The following EHBP1 variants were observed in gnomAD, a reference collection of about 807,000 sequenced individuals.
The protein encoded by EHBP1 is EH domain binding protein 1, also known as EH domain-binding protein 1.
In EHBP1, 55 loss-of-function variants were observed where a neutral mutation model predicts 144.0. The observed-to-expected ratio is 0.38, with a 90% CI of 0.31 to 0.48. EHBP1 has a LOEUF of 0.48. EHBP1 is among the 20% of genes least tolerant of loss of function. EHBP1 has a pLI of 0.98. For missense variants in EHBP1, 1,200 were observed against 1,364.2 expected, an observed-to-expected ratio of 0.88 and a Z score of 1.90; for synonymous variants, 469 against 472.7, an observed-to-expected ratio of 0.99 and a Z score of 0.10.
chr2:63,031,187 T>A (rs1169290029), intron 19 of EHBP1, among the ~76,000 whole-genome samples: 1 of 152,144 alleles, frequency 6.6e-6, no homozygotes, highest in Non-Finnish European at 1.5e-5. Flanking sequence ...GCCACTTGAG[T>A]CATTCCCATG....
chr2:62,860,691 G>A (rs2049449363), intron 8 of EHBP1, among the ~76,000 whole-genome samples: 1 of 152,098 alleles, frequency 6.6e-6, no homozygotes, highest in Non-Finnish European at 1.5e-5. Flanking sequence ...TAAGTATACT[G>A]AGTTCAAAAA....
At chr2:62,921,067 G>A (rs1341136239) in intron 10 of EHBP1, among the ~76,000 whole-genome samples, 1 of 152,190 alleles carries the variant, frequency 6.6e-6, no homozygotes, top group Non-Finnish European at 1.5e-5. Flanking sequence ...GTTATTGATG[G>A]AGCTATTAGA....
intron 21 of EHBP1, among the ~76,000 whole-genome samples, chr2:63,041,675 T>G (rs1484676526): frequency 2.0e-5 from 3 of 152,182 alleles, no homozygotes; most frequent in Non-Finnish European, 4.4e-5. Flanking sequence ...CATAGATTGA[T>G]TAGGTACAGC....
chr2:62,770,689 C>T (rs913164292), intron 4 of EHBP1, among the ~76,000 whole-genome samples: 2 of 152,060 alleles, frequency 1.3e-5, no homozygotes, highest in Non-Finnish European at 2.9e-5. Flanking sequence ...ATCATTCTGC[C>T]ATAAAGAAAC....
chr2:62,916,758 T>C (rs1243761740), intron 10 of EHBP1, among the ~76,000 whole-genome samples: 1 of 149,464 alleles, frequency 6.7e-6, no homozygotes, highest in Non-Finnish European at 1.5e-5. Flanking sequence ...ATATATTTTA[T>C]AATATTGTGT....
chr2:62,965,759 G>T (rs954909381), intron 14 of EHBP1, among the ~76,000 whole-genome samples: 1 of 152,144 alleles, frequency 6.6e-6, no homozygotes, highest in African/African-American at 2.4e-5. Context: ...AGCTCCTTCA[G>T]TTGTGCCACA....
intron 3 of EHBP1, among the ~76,000 whole-genome samples, chr2:62,750,955 T>A (rs1047973946): frequency 1.1e-4 from 16 of 152,312 alleles, no homozygotes; most frequent in Admixed American, 1.0e-3. Context: ...CTTCCTCTTT[T>A]CCTAATCGAA....
intron 1 of EHBP1, among the ~76,000 whole-genome samples, chr2:62,690,099 C>T (rs1028808794): frequency 1.3e-5 from 2 of 152,160 alleles, no homozygotes; most frequent in Admixed American, 6.5e-5. Flanking sequence ...AAGGACTGGG[C>T]CATCTTTCAA....
intron 14 of EHBP1, among the ~76,000 whole-genome samples, chr2:62,960,513 A>G (rs1158717647): frequency 2.6e-5 from 4 of 152,128 alleles, no homozygotes; most frequent in African/African-American, 9.7e-5. Flanking sequence ...ATTCATCCCA[A>G]TATAATTATC....
intron 5 of EHBP1, among the ~76,000 whole-genome samples, chr2:62,821,865 T>C (rs1573532795): frequency 6.6e-6 from 1 of 152,208 alleles, no homozygotes; most frequent in African/African-American, 2.4e-5. Flanking sequence ...GATACATAGG[T>C]GTATATGTTT....
intron 2 of EHBP1, among the ~76,000 whole-genome samples, chr2:62,736,573 C>G (rs544925638): frequency 2.9e-4 from 44 of 152,144 alleles, no homozygotes; most frequent in Non-Finnish European, 6.0e-4. Context: ...TACCCAAGCT[C>G]AGAGATTTTT....
chr2:62,993,228 G>A (rs1016139083), intron 16 of EHBP1, among the ~76,000 whole-genome samples: 1 of 152,102 alleles, frequency 6.6e-6, no homozygotes, highest in East Asian at 1.9e-4. Flanking sequence ...CTGTGGGGCT[G>A]TACAAACTGA....
At chr2:62,933,950 A>T (rs1339705932) in intron 10 of EHBP1, among the ~76,000 whole-genome samples, 3 of 152,208 alleles carry the variant, frequency 2.0e-5, no homozygotes, top group African/African-American at 7.2e-5. Flanking sequence ...ATCTGAATAG[A>T]TCACAATTTT....
rs543533554 is a variant in EHBP1, at chr2:62,843,484, G to A, written c.634+12326G>A. 2.0e-5 allele frequency among the ~76,000 whole-genome samples: 3 copies of A among 152,136 alleles called. No individual in the cohort carries two copies. The South Asian group carries it at 6.2e-4, about 31-fold the overall frequency. On this transcript the variant is annotated intron_variant, in intron 7 of 22. Coordinates refer to ENST00000431489, the MANE Select transcript of EHBP1 (RefSeq NM_001142616.3). ...TGGGTGGGGCAGTGGGTGTCTAGATGTATGTTCTAAGTCCTAATAAATTCA... is the reference window on the plus strand; with the variant it reads ...TGGGTGGGGCAGTGGGTGTCTAGATATATGTTCTAAGTCCTAATAAATTCA...
chr2:62,981,493 A>T (rs2153201990), intron 15 of EHBP1, among the ~76,000 whole-genome samples: 1 of 152,326 alleles, frequency 6.6e-6, no homozygotes, highest in East Asian at 1.9e-4. Context: ...GTGAGCAGAT[A>T]ACAATGCTAA....
At chr2:62,703,937 G>A (rs1425566261), upstream of EHBP1, among the ~76,000 whole-genome samples, 1 of 152,052 alleles carries the variant, frequency 6.6e-6, no homozygotes, top group African/African-American at 2.4e-5. Context: ...TAATAAATAG[G>A]GTGCAAAAAC....
chr2:62,757,416 TTTTTTTTTTC>T (rs1394990871), intron 3 of EHBP1, among the ~76,000 whole-genome samples: 5 of 148,236 alleles, frequency 3.4e-5, no homozygotes, highest in African/African-American at 1.2e-4. Context: ...TCTTTCTTTC[TTTTTTTTTTC>T]TTTTTTTTTT....
Position 63,045,750 on chromosome 2 carries a change from GCA to G in EHBP1, c.*253_*254del, listed in dbSNP as rs2061930783. On this transcript the variant is annotated 3_prime_UTR_variant, in exon 23 of 23. Coordinates refer to ENST00000431489, the MANE Select transcript of EHBP1 (RefSeq NM_001142616.3). The surrounding 1 kb of genome is among the most constrained non-coding windows in gnomAD (Gnocchi z 5.7). ...CCTTGAAATCCTGTGAAATAGATTT[GCA>G]CAGACACCTTGTGAGTGATTGGTAT... 2 of 448,346 alleles carry G rather than the reference GCA, an allele frequency of 4.5e-6. No individual in the cohort carries two copies. The highest frequency in any genetic ancestry group is 8.1e-6 in the Non-Finnish European group (2 of 245,426). 27.8% of individuals were successfully genotyped at this position (448,346 alleles called of 1,614,324 possible).
At chr2:62,766,355 G>T (rs544229760) in intron 4 of EHBP1, among the ~76,000 whole-genome samples, 1 of 152,132 alleles carries the variant, frequency 6.6e-6, no homozygotes, top group East Asian at 1.9e-4. Context: ...CTCAACTATG[G>T]CAATAGAAAT....
Sources: gnomAD v4.1 joint callset for allele counts (sites outside exome capture counted in the v4.1 genomes callset) on GRCh38, gnomAD v4.1.1 for gene constraint, Gnocchi (gnomAD v3.1) non-coding constraint, MANE v1.5 for transcripts, NCBI Gene and HGNC (gene_info 2026-07-23, HGNC 2026-07-21) for gene names.